USP32: variants seen among roughly 807,000 people sequenced by gnomAD.
The protein encoded by USP32 is ubiquitin specific peptidase 32, also known as ubiquitin carboxyl-terminal hydrolase 32.
Under a neutral mutation model 204.8 loss-of-function variants are expected in USP32, and 59 were observed. The ratio of observed to expected loss-of-function variants is 0.29; its 90% CI spans 0.23 to 0.36. The LOEUF is 0.36. USP32 is among the 10% of genes least tolerant of loss of function. The probability of loss-of-function intolerance (pLI) is 1.00; values close to 1 mark genes in which losing one functional copy is unlikely to be tolerated. For synonymous variants in USP32, 517 were observed against 678.4 expected, an observed-to-expected ratio of 0.76 and a Z score of 3.70; for missense variants, 1,160 against 1,946.4, an observed-to-expected ratio of 0.60 and a Z score of 7.60.
At chr17:60,233,199 T>C (rs9911227) in intron 12 of USP32, among the ~76,000 whole-genome samples, 21,473 of 152,118 alleles carry the variant, frequency 0.14, 3,250 homozygotes, top group African/African-American at 0.38. Context: ...AACAAGAGTC[T>C]GGGTGCCTGT....
At chr17:60,320,310 A>G (rs1002988195) in intron 2 of USP32, among the ~76,000 whole-genome samples, 1 of 152,220 alleles carries the variant, frequency 6.6e-6, no homozygotes, top group African/African-American at 2.4e-5. Context: ...AATATTAAAC[A>G]TTGAAATAAA....
At chr17:60,366,305 C>T (rs1272547630) in intron 1 of USP32, among the ~76,000 whole-genome samples, 1 of 152,124 alleles carries the variant, frequency 6.6e-6, no homozygotes, top group Non-Finnish European at 1.5e-5. Flanking sequence ...ATTACAGACA[C>T]ATGCCACCAG....
chr17:60,400,680 G>C (rs980933785), intron 1 of USP32, among the ~76,000 whole-genome samples: 1 of 152,156 alleles, frequency 6.6e-6, no homozygotes, highest in Non-Finnish European at 1.5e-5. Flanking sequence ...AAAGGTACAG[G>C]CTGGAGACAT....
chr17:60,370,609 C>CA (rs921249044), intron 1 of USP32, among the ~76,000 whole-genome samples: 1 of 150,806 alleles, frequency 6.6e-6, no homozygotes, highest in East Asian at 2.0e-4. Flanking sequence ...AAAAAAAATA[C>CA]AAAAAAAATT....
chr17:60,376,872 G>T (rs1598300059), intron 1 of USP32, among the ~76,000 whole-genome samples: 1 of 152,230 alleles, frequency 6.6e-6, no homozygotes, highest in East Asian at 1.9e-4. Flanking sequence ...TCAGTTATCA[G>T]TTGGATAAAA....
At chr17:60,321,579 C>T (rs1027515625) in intron 2 of USP32, among the ~76,000 whole-genome samples, 14 of 152,074 alleles carry the variant, frequency 9.2e-5, no homozygotes, top group Non-Finnish European at 2.1e-4. Flanking sequence ...TGGATATAGA[C>T]AAAGGCTTTA....
At position 60,288,631 on chromosome 17, in the gene USP32, C is replaced by G; in HGVS notation, c.463G>C (p.Asp155His). 1 of 1,613,022 alleles carries G rather than the reference C, an allele frequency of 6.2e-7. No homozygotes were observed. The highest frequency in any genetic ancestry group is 8.5e-7 in the Non-Finnish European group (1 of 1,179,632). The change falls in exon 5 of 34, where the codon GAT (aspartate) becomes CAT (histidine). Residue 155 changes from aspartate (D) to histidine (H), a missense_variant. Physicochemically the swap from Asp to His is moderately conservative, Grantham distance 81. Around this residue, in one of 8 missense-constraint regions of USP32, gnomAD observed 536 missense variants for 680.9 expected, o/e 0.79. Coordinates refer to ENST00000300896, the MANE Select transcript of USP32 (RefSeq NM_032582.4). Reference protein sequence around the residue: ...KFRNWLFLNKDAFTFSRWLLS... With the variant: ...KFRNWLFLNKHAFTFSRWLLS... ...AGCCATCGAGAGAAAGTAAAAGCAT[C>G]TTTGTTTAGAAAAAGCCAATTTCTA...
At chr17:60,352,547 G>C (rs957793423) in intron 1 of USP32, among the ~76,000 whole-genome samples, 1 of 152,034 alleles carries the variant, frequency 6.6e-6, no homozygotes, top group Admixed American at 6.6e-5. Flanking sequence ...ACTGATAAAG[G>C]TATCAGGTAC....
At chr17:60,357,876 C>G (rs924979338) in intron 1 of USP32, among the ~76,000 whole-genome samples, 7 of 152,050 alleles carry the variant, frequency 4.6e-5, no homozygotes. Flanking sequence ...TCAAGCAGTT[C>G]TCCTGCCTCA....
chr17:60,259,488 G>A (rs1333706924), intron 9 of USP32, among the ~76,000 whole-genome samples: 1 of 152,166 alleles, frequency 6.6e-6, no homozygotes, highest in Non-Finnish European at 1.5e-5. Flanking sequence ...TCCAGGGTTG[G>A]TTCCTGTCTT....
chr17:60,212,227 A>G (rs1166602535), intron 18 of USP32, 129 bp from the exon 19 acceptor site: 12 of 738,372 alleles, frequency 1.6e-5, no homozygotes, highest in Non-Finnish European at 2.7e-5. Flanking sequence ...TTTAGTACAT[A>G]CATTGCTTAA....
intron 16 of USP32, among the ~76,000 whole-genome samples, chr17:60,218,446 G>A (rs1440708154): frequency 6.6e-6 from 1 of 152,086 alleles, no homozygotes; most frequent in Non-Finnish European, 1.5e-5. Context: ...AACCTTTAAT[G>A]AAGATACAAA....
intron 15 of USP32, among the ~76,000 whole-genome samples, chr17:60,220,278 CAT>C (rs1468028604): frequency 6.6e-6 from 1 of 152,086 alleles, no homozygotes; most frequent in African/African-American, 2.4e-5. Context: ...ATACTACTCT[CAT>C]AAAACCTTAT....
intron 1 of USP32, among the ~76,000 whole-genome samples, chr17:60,403,158 C>T (rs540508712): frequency 1.2e-4 from 19 of 152,122 alleles, no homozygotes; most frequent in Admixed American, 4.6e-4. Context: ...TCTACAGGCG[C>T]GCGCCACCAC....
rs756385302 is a variant in USP32 at position 60,236,156 on chromosome 17, C to T, written c.1221G>A (p.Trp407Ter). 1 of 1,613,790 alleles carries T rather than the reference C, an allele frequency of 6.2e-7. No homozygotes were observed. Among genetic ancestry groups the T allele is most frequent in the Non-Finnish European group, 8.5e-7 (1 of 1,179,742 alleles). ...FIISMQWWQQ[W>*]KEYVKYDANP... is the part of the protein sequence containing the mutation. ...AACTCACGTATTTGACATATTCTTTCCACTGTTGCCACCACTGCATGGAGA... is the reference window on the plus strand; with the variant it reads ...AACTCACGTATTTGACATATTCTTTTCACTGTTGCCACCACTGCATGGAGA... The change falls in exon 12 of 34, where the codon TGG (tryptophan) becomes TGA (stop). Residue 407 changes from tryptophan (W) to a stop codon, truncating the protein, a stop_gained. Coordinates refer to ENST00000300896, the MANE Select transcript of USP32 (RefSeq NM_032582.4). LOFTEE classifies it high-confidence loss of function.
chr17:60,256,332 T>C (rs2086304006), intron 9 of USP32, among the ~76,000 whole-genome samples: 1 of 152,118 alleles, frequency 6.6e-6, no homozygotes, highest in African/African-American at 2.4e-5. Context: ...AATCACTAGA[T>C]TATGACTAAC....
At position 60,208,732 on chromosome 17, in the gene USP32, T is replaced by C. The variant is rs778044102; in HGVS notation, c.2695A>G (p.Ile899Val). 2 of 1,609,074 alleles carry C rather than the reference T, an allele frequency of 1.2e-6. No homozygotes were observed. Among genetic ancestry groups the C allele is most frequent in the Non-Finnish European group, 1.7e-6 (2 of 1,177,852 alleles). Residue 899 changes from isoleucine (I) to valine (V), a missense_variant, in exon 23 of 34, where the codon ATA becomes GTA. Physicochemically the swap from Ile to Val is conservative, Grantham distance 29. Around this residue, in one of 8 missense-constraint regions of USP32, gnomAD observed 132 missense variants for 432.8 expected, o/e 0.30. Transcript: ENST00000300896. ...SQVKCKTCGHISVRFDPFNFL... is the reference protein window; with the variant it reads ...SQVKCKTCGHVSVRFDPFNFL... ...TTGAAAGGGTCAAATCGGACACTTA[T>C]ATGCCCACATGTCTTGCATTTTACT...
intron 5 of USP32, among the ~76,000 whole-genome samples, chr17:60,286,547 G>A (rs369255540): frequency 1.3e-5 from 2 of 152,314 alleles, no homozygotes; most frequent in South Asian, 2.1e-4. Context: ...TTGAGGGGCC[G>A]AGGGGCCTAG....
At chr17:60,275,420 G>C (rs930999514) in intron 5 of USP32, among the ~76,000 whole-genome samples, 1 of 152,074 alleles carries the variant, frequency 6.6e-6, no homozygotes, top group Non-Finnish European at 1.5e-5. Flanking sequence ...TTGCACCACT[G>C]CACTCCAGCC....
Sources: allele counts gnomAD v4.1 joint callset (sites outside exome capture counted in the v4.1 genomes callset), GRCh38; gene constraint gnomAD v4.1.1; regional missense constraint gnomAD v4.1.1; transcripts MANE v1.5; gene names NCBI Gene and HGNC (gene_info 2026-07-23, HGNC 2026-07-21).